The following PREX2 variants were observed in gnomAD, a reference collection of about 807,000 sequenced individuals.
PREX2 encodes phosphatidylinositol 3,4,5-trisphosphate-dependent Rac exchanger 2 protein.
PREX2 carries 107 observed loss-of-function variants against 203.2 expected under a neutral mutation model. The ratio of observed to expected loss-of-function variants is 0.53; its 90% CI spans 0.45 to 0.62. The LOEUF is 0.62. Ranked by LOEUF, PREX2 falls within the 20% of genes least tolerant of loss-of-function variation. The pLI, the probability that PREX2 is intolerant of heterozygous loss-of-function variation, is 0.00. For synonymous variants in PREX2, 672 were observed against 663.6 expected (o/e 1.01, Z -0.19); for missense variants, 1,777 against 1,955.9 (o/e 0.91, Z 1.72).
intron 35 of PREX2, among the ~76,000 whole-genome samples, chr8:68,184,055 C>A (rs1160485551): frequency 6.6e-6 from 1 of 152,120 alleles, no homozygotes; most frequent in African/African-American, 2.4e-5. Context: ...CAGAATTTCT[C>A]TTCACGTAAC....
chr8:67,977,095 G>A (rs1806133414), intron 1 of PREX2, among the ~76,000 whole-genome samples: 1 of 152,208 alleles, frequency 6.6e-6, no homozygotes, highest in Admixed American at 6.5e-5. Flanking sequence ...ACCCCGCAAT[G>A]TGATGGGATT....
intron 21 of PREX2, among the ~76,000 whole-genome samples, chr8:68,094,590 C>G (rs541501765): frequency 1.3e-5 from 2 of 152,358 alleles, no homozygotes; most frequent in South Asian, 2.1e-4. Context: ...TCTTTCCACT[C>G]ATATTATTGG....
chr8:68,174,441 C>T (rs1811940305), intron 35 of PREX2, among the ~76,000 whole-genome samples: 1 of 152,140 alleles, frequency 6.6e-6, no homozygotes. Context: ...GAAATTCTGT[C>T]AGTCATTTAG....
intron 11 of PREX2, among the ~76,000 whole-genome samples, chr8:68,065,511 G>A (rs75600756): frequency 0.014 from 2,186 of 152,218 alleles, 49 homozygotes; most frequent in African/African-American, 0.042. Context: ...CATGTAGAAC[G>A]TTTGAATAGG....
intron 23 of PREX2, chr8:68,106,352 C>A: frequency 2.0e-6 from 1 of 510,908 alleles, no homozygotes; most frequent in Non-Finnish European, 3.9e-6. Context: ...GTCACCGTTT[C>A]TTTATTAGTA....
chr8:68,105,052 T>G, intron 23 of PREX2: 2 of 994,176 alleles, frequency 2.0e-6, no homozygotes, highest in South Asian at 2.9e-5. Flanking sequence ...ATAGGCAGAT[T>G]GATGTTTACA....
intron 25 of PREX2, among the ~76,000 whole-genome samples, chr8:68,115,021 CTTTTTTTTTTTTT>C (rs5892137): frequency 2.3e-5 from 2 of 86,866 alleles, no homozygotes; most frequent in African/African-American, 1.1e-4. Context: ...TCTTTTCTTT[CTTTTTTTTTTTTT>C]TTTTTTTTTT....
intron 19 of PREX2, among the ~76,000 whole-genome samples, chr8:68,089,635 C>T (rs1188224562): frequency 1.3e-5 from 2 of 152,144 alleles, no homozygotes; most frequent in Admixed American, 1.3e-4. Context: ...AGACTCAATT[C>T]AATGCAGAAA....
At chr8:68,008,281 G>T (rs1807158815) in intron 1 of PREX2, among the ~76,000 whole-genome samples, 1 of 152,104 alleles carries the variant, frequency 6.6e-6, no homozygotes, top group Non-Finnish European at 1.5e-5. Context: ...ATTAATACTT[G>T]TCCGTATCAG....
rs150867119 is a variant in PREX2 at position 68,048,373 on chromosome 8, A to G, written c.943+3783A>G. ...TGCACTAGTTTATTTCTATGGTAGG[A>G]CAGAGGGCAAGAATGTTGACCTTTA... is the stretch of plus-strand genomic sequence containing the variant. On this transcript the variant is annotated intron_variant, in intron 8 of 39. Transcript: ENST00000288368. Among the ~76,000 whole-genome samples, 11 of 152,146 alleles carry G rather than the reference A, an allele frequency of 7.2e-5. No homozygotes were observed. The South Asian group carries it at 2.3e-3, about 32-fold the overall frequency.
intron 27 of PREX2, chr8:68,118,927 A>C: frequency 1.7e-6 from 1 of 578,040 alleles, no homozygotes; most frequent in Non-Finnish European, 3.3e-6. Context: ...TTATAGGTAC[A>C]CAGGAAATAT....
At chr8:68,076,006 C>T (rs924084127) in intron 14 of PREX2, among the ~76,000 whole-genome samples, 1 of 152,136 alleles carries the variant, frequency 6.6e-6, no homozygotes, top group Non-Finnish European at 1.5e-5. Context: ...AAGTTGCCTA[C>T]AGCAAGAGGT....
intron 1 of PREX2, among the ~76,000 whole-genome samples, chr8:67,968,147 G>A (rs1805828551): frequency 6.6e-6 from 1 of 151,802 alleles, no homozygotes; most frequent in Non-Finnish European, 1.5e-5. Context: ...TTGCCCTATA[G>A]AAATGACTCC....
At chr8:68,023,291 C>T (rs1419045983) in intron 4 of PREX2, among the ~76,000 whole-genome samples, 1 of 152,120 alleles carries the variant, frequency 6.6e-6, no homozygotes, top group East Asian at 1.9e-4. Context: ...CAACACTTGG[C>T]ATTTTCAGTT....
chr8:67,961,426 G>T (rs1038133521), intron 1 of PREX2, among the ~76,000 whole-genome samples: 10 of 151,792 alleles, frequency 6.6e-5, no homozygotes, highest in Non-Finnish European at 1.5e-4. Flanking sequence ...AATTATAATT[G>T]TAAATTGAAG....
In PREX2 at chr8:68,060,719, A is replaced by G. The variant is rs753633279; in HGVS notation, c.1279A>G (p.Arg427Gly). The change falls in exon 11 of 40, where the codon AGG becomes GGG. Residue 427 changes from arginine (R) to glycine (G), a missense_variant. Physicochemically the swap from Arg to Gly is moderately radical, Grantham distance 125 (BLOSUM62 -2). Transcript: ENST00000288368. ...SWLLEIGEIH[R>G]PEEGVHLGQA... ...GCTGTTGGAAATTGGAGAGATTCAC[A>G]GGCCTGAGGAAGGCGTGCACTTGGG... 19 of 1,612,672 alleles carry G rather than the reference A, an allele frequency of 1.2e-5. No homozygotes were observed. The South Asian group carries it at 2.0e-4, about 17-fold the overall frequency.
chr8:68,106,728 C>T (rs1402194955), intron 23 of PREX2, among the ~76,000 whole-genome samples: 1 of 151,984 alleles, frequency 6.6e-6, no homozygotes, highest in Non-Finnish European at 1.5e-5. Context: ...TAGATAATGA[C>T]CAGTCATAGT....
In PREX2 at chr8:68,136,126, G is replaced by A. The variant is rs138558528; in HGVS notation, c.3984+1850G>A. Among the ~76,000 whole-genome samples the A allele has an allele frequency of 3.9e-5, 6 of 152,206 alleles. No homozygotes were observed. In the East Asian group the frequency reaches 1.2e-3, roughly 29 times the overall value. On this transcript the variant is annotated intron_variant, in intron 32 of 39. Transcript: ENST00000288368. ...CTATTGGGTATTGGTTATCTTTGGG[G>A]GTTGATAAAAATATTCTAAAGTTAG... is the stretch of plus-strand genomic sequence containing the variant.
At chr8:68,209,659 G>A (rs1398187946) in intron 37 of PREX2, among the ~76,000 whole-genome samples, 3 of 152,102 alleles carry the variant, frequency 2.0e-5, no homozygotes, top group Non-Finnish European at 4.4e-5. Context: ...AACAAAATCA[G>A]ATTGTGATCT....
Sources: gnomAD v4.1 joint callset for allele counts (sites outside exome capture counted in the v4.1 genomes callset) on GRCh38, gnomAD v4.1.1 for gene constraint, MANE v1.5 for transcripts, NCBI Gene and HGNC (gene_info 2026-07-23, HGNC 2026-07-21) for gene names.